Variants in SYT1 observed in about 807,000 individuals in gnomAD.
The protein encoded by SYT1 is synaptotagmin 1, also known as synaptotagmin-1.
A neutral mutation model predicts 44.8 loss-of-function variants in SYT1; 8 were observed. That is an observed-to-expected ratio of 0.18 (90% CI 0.10 to 0.32). The LOEUF (loss-of-function observed/expected upper bound fraction) is 0.32. Among genes scored for constraint, SYT1 ranks in the 10% least tolerant of loss-of-function variants. The probability of loss-of-function intolerance (pLI) is 1.00; values close to 1 mark genes in which losing one functional copy is unlikely to be tolerated. For synonymous variants in SYT1, 154 were observed against 188.8 expected, an observed-to-expected ratio of 0.82 and a Z score of 1.51; for missense variants, 286 against 509.3, an observed-to-expected ratio of 0.56 and a Z score of 4.22.
intron 1 of SYT1, among the ~76,000 whole-genome samples, chr12:78,882,934 T>C (rs1874536559): frequency 6.6e-6 from 1 of 151,670 alleles, no homozygotes; most frequent in South Asian, 2.1e-4. Context: ...TTACATCCTC[T>C]GGGTGTGAAA....
intron 1 of SYT1, among the ~76,000 whole-genome samples, chr12:78,961,359 T>C (rs7303570): frequency 1.5e-3 from 224 of 152,176 alleles, no homozygotes; most frequent in African/African-American, 4.3e-3. Context: ...TCCTCCCACC[T>C]CAGCCTCCTA....
intron 3 of SYT1, among the ~76,000 whole-genome samples, chr12:79,056,870 CAATT>C (rs1409390330): frequency 1.3e-5 from 2 of 151,966 alleles, no homozygotes; most frequent in African/African-American, 2.4e-5. Flanking sequence ...TTTAAAACCT[CAATT>C]AATTATCTTC....
chr12:79,361,798 C>A (rs1034478513), intron 9 of SYT1, among the ~76,000 whole-genome samples: 1 of 152,132 alleles, frequency 6.6e-6, no homozygotes, highest in African/African-American at 2.4e-5. Context: ...GGTTGCCGAA[C>A]ATGGTAGAAG....
At chr12:79,050,311 G>A (rs768952205) in intron 3 of SYT1, among the ~76,000 whole-genome samples, 4 of 151,550 alleles carry the variant, frequency 2.6e-5, no homozygotes, top group Non-Finnish European at 5.9e-5. Context: ...AGGCTGAGGA[G>A]GAGAAGGAAG....
At chr12:79,275,893 C>T (rs1240636117) in intron 4 of SYT1, among the ~76,000 whole-genome samples, 2 of 152,084 alleles carry the variant, frequency 1.3e-5, no homozygotes, top group African/African-American at 4.8e-5. Flanking sequence ...GACAGTAAAC[C>T]TGCTTACACA....
At chr12:79,319,252 A>G (rs1033300034) in intron 8 of SYT1, among the ~76,000 whole-genome samples, 10 of 152,224 alleles carry the variant, frequency 6.6e-5, no homozygotes, top group African/African-American at 2.2e-4. Flanking sequence ...ACCTTTACTC[A>G]TGTTTAAGGT....
intron 3 of SYT1, among the ~76,000 whole-genome samples, chr12:79,158,280 A>C (rs1489075650): frequency 1.3e-5 from 2 of 152,054 alleles, no homozygotes; most frequent in African/African-American, 4.8e-5. Context: ...TCAGGCATTA[A>C]ATTCTCATAG....
rs1365231074 is a variant in SYT1 at position 79,317,074 on chromosome 12, C to T, written c.810+17523C>T. On this transcript the variant is annotated intron_variant, in intron 8 of 10. Transcript: ENST00000261205. ...CAAATGAATTCCTAAAATAAACAAT[C>T]GGATACATCGAGTAGCTATTCACTT... Among the ~76,000 whole-genome samples, 4 of 152,186 alleles carry T rather than the reference C, an allele frequency of 2.6e-5. No homozygotes were observed. In the South Asian group the frequency reaches 6.2e-4, roughly 24 times the overall value.
At chr12:78,943,048 A>G (rs550113401) in intron 1 of SYT1, among the ~76,000 whole-genome samples, 2 of 152,204 alleles carry the variant, frequency 1.3e-5, no homozygotes, top group Non-Finnish European at 2.9e-5. Flanking sequence ...TAAATATTCA[A>G]TGAGTATTCA....
intron 1 of SYT1, among the ~76,000 whole-genome samples, chr12:78,921,693 G>A (rs78868605): frequency 6.6e-6 from 1 of 151,922 alleles, no homozygotes; most frequent in Non-Finnish European, 1.5e-5. Flanking sequence ...ATATTTAACA[G>A]TGAACTCTGT....
chr12:78,931,223 GAAAGAAAGAAAGAAA>G lies in SYT1; in HGVS notation c.-216-46575_-216-46561del, dbSNP rs1479537233. ...AGAAAGAAAGAAAGAAAGAAAGAAA[GAAAGAAAGAAAGAAA>G]GAAGGAAGGAAGGAAGGAAGGAAGG... On this transcript the variant is annotated intron_variant, in intron 1 of 10. Coordinates refer to ENST00000261205, the MANE Select transcript of SYT1 (RefSeq NM_005639.3). Among the ~76,000 whole-genome samples the G allele has an allele frequency of 4.7e-3, 281 of 59,902 alleles. 9 individuals carry two copies. The highest frequency in any genetic ancestry group is 0.02 in the African/African-American group (219 of 10,988). The allele number at this position is 59,902 out of a possible 152,430, so 39.3% of individuals were successfully genotyped here. A position where few individuals can be genotyped will look rare whatever the true frequency, so the allele number is the denominator to read the frequency against.
At chr12:78,944,227 A>T (rs1261410381) in intron 1 of SYT1, among the ~76,000 whole-genome samples, 2 of 118,108 alleles carry the variant, frequency 1.7e-5, no homozygotes, top group Non-Finnish European at 3.6e-5. Context: ...ATAATGGTAA[A>T]TTGGCAAGTA....
intron 1 of SYT1, among the ~76,000 whole-genome samples, chr12:78,896,732 C>T (rs776564032): frequency 1.3e-5 from 2 of 151,552 alleles, no homozygotes; most frequent in Non-Finnish European, 3.0e-5. Flanking sequence ...TAAAACACTA[C>T]AAAATATGAT....
At chr12:78,914,743 T>C (rs977961739) in intron 1 of SYT1, among the ~76,000 whole-genome samples, 1 of 152,056 alleles carries the variant, frequency 6.6e-6, no homozygotes, top group African/African-American at 2.4e-5. Context: ...GAATATTTAT[T>C]TTTCTTCTTA....
chr12:79,134,530 C>T (rs887827973), intron 3 of SYT1, among the ~76,000 whole-genome samples: 3 of 152,162 alleles, frequency 2.0e-5, no homozygotes, highest in African/African-American at 7.2e-5. Flanking sequence ...GGAAATTGAA[C>T]TTTCAAAGAC....
chr12:79,126,466 G>A (rs947061658), intron 3 of SYT1, among the ~76,000 whole-genome samples: 1 of 152,180 alleles, frequency 6.6e-6, no homozygotes, highest in East Asian at 1.9e-4. Context: ...TCACCATGTT[G>A]GCCAGGATGG....
At chr12:78,914,927 ATGTT>A (rs1876561490) in intron 1 of SYT1, among the ~76,000 whole-genome samples, 1 of 152,036 alleles carries the variant, frequency 6.6e-6, no homozygotes, top group Admixed American at 6.6e-5. Context: ...GTCATACAGA[ATGTT>A]TGGGGATTCC....
intron 1 of SYT1, among the ~76,000 whole-genome samples, chr12:78,878,803 CAG>C (rs1359091026): frequency 6.6e-6 from 1 of 151,694 alleles, no homozygotes; most frequent in African/African-American, 2.4e-5. Flanking sequence ...CATTGCGGAT[CAG>C]AGTGTTTGGA....
intron 8 of SYT1, among the ~76,000 whole-genome samples, chr12:79,349,898 T>C (rs2135998074): frequency 6.6e-6 from 1 of 152,298 alleles, no homozygotes; most frequent in Admixed American, 6.5e-5. Context: ...ATAAAACTAT[T>C]GGGTTCTTCT....
Sources: gnomAD v4.1 joint callset for allele counts (sites outside exome capture counted in the v4.1 genomes callset) on GRCh38, gnomAD v4.1.1 for gene constraint, MANE v1.5 for transcripts, NCBI Gene and HGNC (gene_info 2026-07-23, HGNC 2026-07-21) for gene names.